WNK2: variants seen among roughly 807,000 people sequenced by gnomAD.
The protein encoded by WNK2 is WNK lysine deficient protein kinase 2.
A neutral mutation model predicts 192.1 loss-of-function variants in WNK2; 67 were observed. That is an observed-to-expected ratio of 0.35 (90% CI 0.29 to 0.43). WNK2 has a LOEUF of 0.43. Ranked by LOEUF, WNK2 falls within the 20% of genes least tolerant of loss-of-function variation. The pLI is 1.00. For missense variants in WNK2, 2,698 were observed against 3,089.7 expected, an observed-to-expected ratio of 0.87 and a Z score of 3.01; for synonymous variants, 1,439 against 1,393.9, an observed-to-expected ratio of 1.03 and a Z score of -0.72.
At position 93,280,767 on chromosome 9, in the gene WNK2, G is replaced by T. The variant is rs116320207; in HGVS notation, c.4034-8021G>T. Reference sequence around the variant, plus strand: ...TATTCCTTGTCTACTGGCATATGTTGTCTGTACTGTGGCAGAAGCTTCCAA... The same window carrying T: ...TATTCCTTGTCTACTGGCATATGTTTTCTGTACTGTGGCAGAAGCTTCCAA... On this transcript the variant is annotated intron_variant, in intron 19 of 29. Transcript: ENST00000427277. Among the ~76,000 whole-genome samples the T allele has an allele frequency of 6.1e-3, 929 of 152,226 alleles. 10 individuals are homozygous for T. The highest frequency in any genetic ancestry group is 0.021 in the African/African-American group (881 of 41,526).
chr9:93,232,295 A>C (rs1838950419), intron 4 of WNK2, among the ~76,000 whole-genome samples: 1 of 152,160 alleles, frequency 6.6e-6, no homozygotes, highest in Non-Finnish European at 1.5e-5. Context: ...GTGTACACAA[A>C]GCCTCTGGCA....
chr9:93,243,783 G>A (rs562961973), intron 7 of WNK2, among the ~76,000 whole-genome samples: 5 of 152,272 alleles, frequency 3.3e-5, no homozygotes, highest in South Asian at 4.1e-4. Context: ...ACCAGAGTCC[G>A]TCACTGGCCT....
At chr9:93,308,770 A>G in intron 28 of WNK2, 186 bp downstream of exon 28, 4 of 1,418,524 alleles carry the variant, frequency 2.8e-6, no homozygotes, top group Non-Finnish European at 3.7e-6. Flanking sequence ...TGAGCGACGC[A>G]CCCACAGCTC....
Position 93,272,738 on chromosome 9 carries a change from C to A in WNK2, c.4033+3992C>A, listed in dbSNP as rs868079373. On this transcript the variant is annotated intron_variant, in intron 19 of 29. Transcript: ENST00000427277. ...GGGCAACAAGAGCGAAACTCCGTCT[C>A]AAAAAAAAAAAAAAAAAATTCAAAT... Among the ~76,000 whole-genome samples the A allele has an allele frequency of 4.7e-3, 430 of 90,640 alleles. 1 individual carries two copies. The highest frequency in any genetic ancestry group is 6.7e-3 in the East Asian group (24 of 3,588). The allele number at this position is 90,640 out of a possible 152,430, so 59.5% of individuals were successfully genotyped here. A position where few individuals can be genotyped will look rare whatever the true frequency, so the allele number is the denominator to read the frequency against.
In WNK2 at chr9:93,247,505, G is replaced by T; in HGVS notation, c.1543-38G>T. On this transcript the variant is annotated intron_variant, in intron 7 of 29. Transcript: ENST00000427277. This position sits in a 1 kb window ranked among gnomAD's most constrained non-coding sequence, Gnocchi z 5.2. ...TAAGGGGTGTGGGCCGGTGAGGGCT[G>T]ATCCCCAGCGATGCTGACAACATGA... 1 of 1,593,290 alleles carries T rather than the reference G, an allele frequency of 6.3e-7. No homozygotes were observed. Among genetic ancestry groups the T allele is most frequent in the South Asian group, 1.1e-5 (1 of 87,424 alleles).
At chr9:93,274,182 A>G (rs1411834457) in intron 19 of WNK2, among the ~76,000 whole-genome samples, 1 of 152,248 alleles carries the variant, frequency 6.6e-6, no homozygotes, top group Non-Finnish European at 1.5e-5. Context: ...GTAAAATGAT[A>G]AACCTCTAGC....
In WNK2 at chr9:93,268,795, G is replaced by A. The variant is rs747620932; in HGVS notation, c.4033+49G>A. On this transcript the variant is annotated intron_variant, in intron 19 of 29. Coordinates refer to ENST00000427277, the MANE Select transcript of WNK2 (RefSeq NM_006648.4). ...AAGCCCCTCCCTGTTTCATGTACAG[G>A]CCTCCTTCTGTGCATGACCCAGCCG... 3 of 1,589,962 alleles carry A rather than the reference G, an allele frequency of 1.9e-6. No homozygotes were observed. In the South Asian group the frequency reaches 3.4e-5, roughly 18 times the overall value.
chr9:93,215,110 T>A (rs574921299), intron 2 of WNK2, among the ~76,000 whole-genome samples: 166 of 151,252 alleles, frequency 1.1e-3, no homozygotes, highest in African/African-American at 3.8e-3. Context: ...CAAACTGGGG[T>A]ATTATTTTTA....
At chr9:93,203,879 ACG>A (rs1396101646) in intron 2 of WNK2, among the ~76,000 whole-genome samples, 2 of 152,110 alleles carry the variant, frequency 1.3e-5, no homozygotes, top group African/African-American at 4.8e-5. Flanking sequence ...CTGGTTACCC[ACG>A]CAGCCCTGTG....
intron 27 of WNK2, chr9:93,308,014 G>A (rs1017590542): frequency 1.3e-5 from 5 of 395,970 alleles, no homozygotes; most frequent in South Asian, 1.2e-4. Context: ...TCTCTCACAC[G>A]TGAGTCTGGG....
intron 9 of WNK2, among the ~76,000 whole-genome samples, chr9:93,253,998 C>A (rs1342331149): frequency 1.3e-5 from 2 of 152,190 alleles, no homozygotes; most frequent in Non-Finnish European, 2.9e-5. Context: ...CTCACTGTAA[C>A]CTCTGCCTCC....
intron 2 of WNK2, among the ~76,000 whole-genome samples, chr9:93,187,037 C>T (rs539336427): frequency 2.0e-5 from 3 of 152,250 alleles, no homozygotes; most frequent in African/African-American, 7.2e-5. Flanking sequence ...AAAGGGGAGA[C>T]GACTCTTGAT....
At position 93,244,643 on chromosome 9, in the gene WNK2, C is replaced by T. The variant is rs73651383; in HGVS notation, c.1543-2900C>T. ...GCCGAGGTGGGCAAGGGTGGGGCCA[C>T]GCCCTGGATATGACCCCGAGGCCAC... On this transcript the variant is annotated intron_variant, in intron 7 of 29. Transcript: ENST00000427277. Among the ~76,000 whole-genome samples the T allele has an allele frequency of 3.0e-3, 463 of 152,228 alleles. 3 individuals carry two copies. Among genetic ancestry groups the T allele is most frequent in the African/African-American group, 9.5e-3 (396 of 41,542 alleles).
At chr9:93,278,285 G>C (rs975927998) in intron 19 of WNK2, among the ~76,000 whole-genome samples, 1 of 152,178 alleles carries the variant, frequency 6.6e-6, no homozygotes, top group African/African-American at 2.4e-5. Flanking sequence ...GCTGCGGAGA[G>C]AAGAGTCTGA....
chr9:93,243,335 C>CT (rs777092076), intron 7 of WNK2, among the ~76,000 whole-genome samples: 45 of 152,196 alleles, frequency 3.0e-4, no homozygotes, highest in Non-Finnish European at 4.0e-4. Flanking sequence ...GTGGATGCAG[C>CT]TGTCCCTTCA....
intron 2 of WNK2, among the ~76,000 whole-genome samples, chr9:93,221,069 T>C (rs1252245747): frequency 1.3e-5 from 2 of 152,146 alleles, no homozygotes; most frequent in Admixed American, 6.5e-5. Context: ...TGGGGAGGGC[T>C]CCTGCAGCCT....
chr9:93,221,472 G>A (rs1037651225), intron 2 of WNK2, among the ~76,000 whole-genome samples: 2 of 152,280 alleles, frequency 1.3e-5, no homozygotes, highest in Admixed American at 6.5e-5. Context: ...TTCAACATCC[G>A]CACACCAGAA....
intron 27 of WNK2, chr9:93,308,043 C>G (rs973286791): frequency 1.4e-5 from 7 of 511,090 alleles, no homozygotes; most frequent in Non-Finnish European, 2.4e-5. Flanking sequence ...GCGGTGGGCA[C>G]AGAGTGGATG....
At chr9:93,194,047 C>T (rs1467527391) in intron 2 of WNK2, among the ~76,000 whole-genome samples, 2 of 152,230 alleles carry the variant, frequency 1.3e-5, no homozygotes, top group Non-Finnish European at 2.9e-5. Context: ...AACAACTGCA[C>T]ATCCACATGC....
Sources: gnomAD v4.1 joint callset for allele counts (sites outside exome capture counted in the v4.1 genomes callset) on GRCh38, gnomAD v4.1.1 for gene constraint, Gnocchi (gnomAD v3.1) non-coding constraint, MANE v1.5 for transcripts, NCBI Gene and HGNC (gene_info 2026-07-23, HGNC 2026-07-21) for gene names.